PIK3C2G: variants seen among roughly 807,000 people sequenced by gnomAD.
PIK3C2G encodes phosphatidylinositol 3-kinase C2 domain-containing subunit gamma.
Under a neutral mutation model 181.1 loss-of-function variants are expected in PIK3C2G, and 168 were observed. The ratio of observed to expected loss-of-function variants is 0.93; its 90% CI spans 0.82 to 1.05. The LOEUF is 1.05. PIK3C2G is among the 50% of genes least tolerant of loss of function. The pLI is 0.00. For synonymous variants in PIK3C2G, 573 were observed against 592.2 expected, an observed-to-expected ratio of 0.97 and a Z score of 0.47; for missense variants, 1,869 against 1,732.8, an observed-to-expected ratio of 1.08 and a Z score of -1.40.
intron 1 of PIK3C2G, among the ~76,000 whole-genome samples, chr12:18,248,696 A>C (rs1490861235): frequency 6.6e-6 from 1 of 152,192 alleles, no homozygotes; most frequent in Non-Finnish European, 1.5e-5. Flanking sequence ...ATGTAAAGTC[A>C]TTTATATATG....
intron 16 of PIK3C2G, among the ~76,000 whole-genome samples, chr12:18,409,090 A>G (rs1475349067): frequency 1.3e-5 from 2 of 152,188 alleles, no homozygotes; most frequent in African/African-American, 4.8e-5. Context: ...ATAAAGACAC[A>G]TGCACATGTA....
intron 25 of PIK3C2G, among the ~76,000 whole-genome samples, chr12:18,543,043 C>T (rs192412635): frequency 1.3e-5 from 2 of 152,090 alleles, no homozygotes; most frequent in African/African-American, 4.8e-5. Flanking sequence ...TGCAACCTTG[C>T]CAGCATCTGT....
chr12:18,253,841 G>C (rs1948118090), intron 1 of PIK3C2G, among the ~76,000 whole-genome samples: 1 of 140,732 alleles, frequency 7.1e-6, no homozygotes, highest in South Asian at 2.4e-4. Context: ...CCCATCTGGT[G>C]GCTTCAATTA....
intron 18 of PIK3C2G, among the ~76,000 whole-genome samples, chr12:18,427,457 C>T (rs1945891515): frequency 6.9e-6 from 1 of 145,370 alleles, no homozygotes; most frequent in East Asian, 2.0e-4. Flanking sequence ...GCCGAGATCG[C>T]GCCATTGCAC....
intron 16 of PIK3C2G, among the ~76,000 whole-genome samples, chr12:18,418,788 G>A (rs918029273): frequency 2.0e-5 from 3 of 152,066 alleles, no homozygotes; most frequent in Admixed American, 6.6e-5. Flanking sequence ...AAATGAGCCT[G>A]CCCTCAATGA....
Position 18,496,103 on chromosome 12 carries a change from T to A in PIK3C2G, c.2835T>A (p.Ile945=). 4 of 1,543,364 alleles carry A rather than the reference T, an allele frequency of 2.6e-6. No homozygotes were observed. The highest frequency in any genetic ancestry group is 3.5e-6 in the Non-Finnish European group (4 of 1,142,522). The stretch of plus-strand genomic sequence containing the variant: ...CATCTAATGCTTTGCCATTGAAGAT[T>A]ACTTTCATCAATGCTAATCCGATGG... ...YFTSNALPLK[I]TFINANPMGK... is the part of the protein sequence containing the mutation. Residue 945 remains isoleucine, a synonymous_variant, in exon 21 of 33, where the codon ATT becomes ATA. Coordinates refer to ENST00000538779, the MANE Select transcript of PIK3C2G (RefSeq NM_001288772.2).
chr12:18,725,134 G>A, the PIK3C2G span, among the ~76,000 whole-genome samples: 1 of 152,012 alleles, frequency 6.6e-6, no homozygotes, highest in Non-Finnish European at 1.5e-5. Flanking sequence ...TCAAATTACA[G>A]AAAAATGAAA....
At chr12:18,303,129 T>C (rs1170032154) in intron 5 of PIK3C2G, among the ~76,000 whole-genome samples, 2 of 110,410 alleles carry the variant, frequency 1.8e-5, no homozygotes, top group African/African-American at 3.2e-5. Context: ...TTTCTTTCTT[T>C]CTTTCTTTCT....
chr12:18,691,173 T>A, the PIK3C2G span, among the ~76,000 whole-genome samples: 1 of 152,064 alleles, frequency 6.6e-6, no homozygotes, highest in East Asian at 1.9e-4. Context: ...TTGGTCTGGA[T>A]GTGGGATGTG....
downstream of PIK3C2G, among the ~76,000 whole-genome samples, chr12:18,652,749 A>T (rs1310452520): frequency 6.6e-6 from 1 of 152,140 alleles, no homozygotes; most frequent in African/African-American, 2.4e-5. Context: ...GGCTTTTTAC[A>T]TGTATATTTT....
chr12:18,522,505 G>A (rs947506310), intron 24 of PIK3C2G, among the ~76,000 whole-genome samples: 1 of 149,992 alleles, frequency 6.7e-6, no homozygotes, highest in Non-Finnish European at 1.5e-5. Context: ...GCCAGGTAAA[G>A]TATTCTTGTT....
At chr12:18,300,531 G>T (rs1424487113) in intron 5 of PIK3C2G, among the ~76,000 whole-genome samples, 1 of 151,998 alleles carries the variant, frequency 6.6e-6, no homozygotes, top group Non-Finnish European at 1.5e-5. Context: ...ATTTCTTGTA[G>T]ACAGCATATA....
intron 31 of PIK3C2G, among the ~76,000 whole-genome samples, chr12:18,626,731 A>C (rs2136697745): frequency 6.6e-6 from 1 of 152,050 alleles, no homozygotes; most frequent in Non-Finnish European, 1.5e-5. Context: ...CTACTATATC[A>C]TCCCACTCTC....
intron 8 of PIK3C2G, among the ~76,000 whole-genome samples, chr12:18,337,507 G>A (rs1381719457): frequency 6.6e-6 from 1 of 152,156 alleles, no homozygotes; most frequent in Admixed American, 6.5e-5. Flanking sequence ...TCATGGTTCT[G>A]CAGACAATAC....
chr12:18,304,536 C>A (rs142940087), intron 5 of PIK3C2G, among the ~76,000 whole-genome samples: 1 of 152,292 alleles, frequency 6.6e-6, no homozygotes, highest in African/African-American at 2.4e-5. Flanking sequence ...GGATTACAGG[C>A]GTGAGCTACC....
chr12:18,420,820 T>C, intron 16 of PIK3C2G, 121 bp from the exon 17 acceptor site: 3 of 591,338 alleles, frequency 5.1e-6, no homozygotes, highest in Non-Finnish European at 6.1e-6. Flanking sequence ...CTTAATCGAT[T>C]GTGGGATAAT....
At chr12:18,711,876 T>A in the PIK3C2G span, among the ~76,000 whole-genome samples, 6 of 152,096 alleles carry the variant, frequency 3.9e-5, no homozygotes, top group African/African-American at 1.4e-4. Context: ...TTTAGGAGAA[T>A]CAGTGCCATA....
chr12:18,328,847 T>C (rs537988675), intron 8 of PIK3C2G, among the ~76,000 whole-genome samples: 1 of 152,046 alleles, frequency 6.6e-6, no homozygotes, highest in Non-Finnish European at 1.5e-5. Flanking sequence ...GAAGAAAATT[T>C]TCACAAAATT....
At chr12:18,262,531 C>T (rs2137002425) in intron 1 of PIK3C2G, among the ~76,000 whole-genome samples, 1 of 150,968 alleles carries the variant, frequency 6.6e-6, no homozygotes. Context: ...TATCTGCCAT[C>T]TGAACCAGAT....
Sources: allele counts gnomAD v4.1 joint callset (sites outside exome capture counted in the v4.1 genomes callset), GRCh38; gene constraint gnomAD v4.1.1; transcripts MANE v1.5; gene names NCBI Gene and HGNC (gene_info 2026-07-23, HGNC 2026-07-21).